Variants in ATAD2B observed in about 807,000 individuals in gnomAD.
ATAD2B encodes the protein ATPase family AAA domain containing 2B, also known as ATPase family AAA domain-containing protein 2B.
ATAD2B carries 40 observed loss-of-function variants against 167.6 expected under a neutral mutation model. That is an observed-to-expected ratio of 0.24 (90% CI 0.19 to 0.31). The LOEUF is 0.31. Among genes scored for constraint, ATAD2B ranks in the 10% least tolerant of loss-of-function variants. The pLI is 1.00. For synonymous variants in ATAD2B, 579 were observed against 596.5 expected, an observed-to-expected ratio of 0.97 and a Z score of 0.43; for missense variants, 1,242 against 1,757.2, an observed-to-expected ratio of 0.71 and a Z score of 5.24.
chr2:23,771,006 C>T (rs936264094), intron 22 of ATAD2B, among the ~76,000 whole-genome samples: 2 of 152,128 alleles, frequency 1.3e-5, no homozygotes, highest in Admixed American at 1.3e-4. Flanking sequence ...TTCTTTATCT[C>T]ACTAATATTT....
intron 19 of ATAD2B, among the ~76,000 whole-genome samples, chr2:23,796,340 T>TACTAGTCAGTAACC (rs1174029140): frequency 6.6e-6 from 1 of 152,218 alleles, no homozygotes; most frequent in Non-Finnish European, 1.5e-5. Context: ...TGAAAAAGGT[T>TACTAGTCAGTAACC]ACTAGTCAGT....
intron 1 of ATAD2B, among the ~76,000 whole-genome samples, chr2:23,912,598 A>G (rs2150560217): frequency 6.6e-6 from 1 of 152,354 alleles, no homozygotes; most frequent in Admixed American, 6.5e-5. Flanking sequence ...GAAAGCAAAA[A>G]GGAAATTAAA....
Position 23,869,746 on chromosome 2 carries a change from G to A in ATAD2B, c.993C>T (p.Ala331=). 1 of 1,561,646 alleles carries A rather than the reference G, an allele frequency of 6.4e-7. No individual in the cohort carries two copies. The highest frequency in any genetic ancestry group is 8.7e-7 in the Non-Finnish European group (1 of 1,150,972). Residue 331 remains alanine, a synonymous_variant, in exon 9 of 28, where the codon GCC becomes GCT. Transcript: ENST00000238789. ...AAGAAGTTGTGTCACTACTATGAAT[G>A]GCATGCTTCTTTCTCCTATTTAAAG... The part of the protein sequence containing the change: ...RRSHIRRKKH[A]IHSSDTTSSD...
chr2:23,775,462 T>C (rs181823078), intron 22 of ATAD2B, among the ~76,000 whole-genome samples: 2 of 152,162 alleles, frequency 1.3e-5, no homozygotes, highest in African/African-American at 2.4e-5. Flanking sequence ...TCCGCCCGCC[T>C]TGGCCTCTCA....
the ATAD2B span, among the ~76,000 whole-genome samples, chr2:23,741,087 T>C: frequency 1.3e-5 from 2 of 152,048 alleles, no homozygotes; most frequent in Non-Finnish European, 2.9e-5. Context: ...TCCATGCTCA[T>C]GGGTAGGAAG....
At chr2:23,753,372 C>T (rs1321092443) in intron 27 of ATAD2B, among the ~76,000 whole-genome samples, 1 of 152,130 alleles carries the variant, frequency 6.6e-6, no homozygotes, top group African/African-American at 2.4e-5. Flanking sequence ...ACACCCAGCA[C>T]AGCATCTGGC....
chr2:23,756,426 C>A (rs1675958491), intron 25 of ATAD2B, among the ~76,000 whole-genome samples: 2 of 152,024 alleles, frequency 1.3e-5, no homozygotes, highest in Admixed American at 6.6e-5. Flanking sequence ...AGCCCAAATC[C>A]CAGGCTGAAG....
At chr2:23,814,195 C>T (rs1022770996) in intron 17 of ATAD2B, among the ~76,000 whole-genome samples, 1 of 152,124 alleles carries the variant, frequency 6.6e-6, no homozygotes, top group Non-Finnish European at 1.5e-5. Flanking sequence ...TTTTCAAAAA[C>T]CTCCATGGGC....
chr2:23,852,423 T>G (rs1331277511), intron 13 of ATAD2B, among the ~76,000 whole-genome samples: 1 of 152,036 alleles, frequency 6.6e-6, no homozygotes, highest in African/African-American at 2.4e-5. Context: ...TCACACCCAG[T>G]GTATATCTCA....
Position 23,762,306 on chromosome 2 carries a change from A to G in ATAD2B, c.3297T>C (p.Thr1099=), listed in dbSNP as rs1318916840. The change falls in exon 24 of 28, where the codon ACT becomes ACC. Residue 1099 remains threonine, a synonymous_variant. Coordinates refer to ENST00000238789, the MANE Select transcript of ATAD2B (RefSeq NM_017552.4). ...CTCTAGTTTCTGTCTTCCGAGCTCC[A>G]GTACTATGAGGATTTATTTGTTCTG... ...VTSEQINPHS[T]GARKTETRVE... 5 of 1,613,472 alleles carry G rather than the reference A, an allele frequency of 3.1e-6. No homozygotes were observed. The highest frequency in any genetic ancestry group is 4.2e-6 in the Non-Finnish European group (5 of 1,179,740).
At chr2:23,910,512 A>T (rs1702134815) in intron 1 of ATAD2B, among the ~76,000 whole-genome samples, 1 of 151,646 alleles carries the variant, frequency 6.6e-6, no homozygotes, top group South Asian at 2.1e-4. Context: ...CTGGTCACTC[A>T]ATTGCAGCAA....
intron 1 of ATAD2B, among the ~76,000 whole-genome samples, chr2:23,925,203 A>G (rs1336849166): frequency 6.6e-6 from 1 of 152,226 alleles, no homozygotes; most frequent in Admixed American, 6.5e-5. Flanking sequence ...CAGTTTGCAC[A>G]ACTTTCAGAT....
chr2:23,881,745 T>G (rs953565283), intron 6 of ATAD2B, among the ~76,000 whole-genome samples: 2 of 152,064 alleles, frequency 1.3e-5, no homozygotes, highest in African/African-American at 4.8e-5. Flanking sequence ...TTTTTTGAGA[T>G]GGAGTTTTGC....
intron 13 of ATAD2B, chr2:23,855,967 T>C (rs1693328519): frequency 6.6e-6 from 1 of 151,924 alleles, no homozygotes; most frequent in Admixed American, 6.6e-5. Context: ...GGCGGGTGGA[T>C]CACAATGTCA....
intron 2 of ATAD2B, among the ~76,000 whole-genome samples, chr2:23,889,411 G>A (rs367770857): frequency 6.6e-6 from 1 of 151,786 alleles, no homozygotes; most frequent in African/African-American, 2.4e-5. Context: ...CAGGTGATCT[G>A]CCCACCTCGG....
At chr2:23,685,691 A>G in the ATAD2B span, among the ~76,000 whole-genome samples, 1 of 152,106 alleles carries the variant, frequency 6.6e-6, no homozygotes, top group Non-Finnish European at 1.5e-5. Flanking sequence ...TGGACACCTC[A>G]GGTCTCCTGC....
chr2:23,788,684 T>G (rs752209028), intron 19 of ATAD2B, 37 bp from the exon 20 acceptor site: 2 of 1,472,700 alleles, frequency 1.4e-6, no homozygotes, highest in South Asian at 2.5e-5. Flanking sequence ...ATTAAATATA[T>G]AAAGAATTAA....
Position 23,864,924 on chromosome 2 carries a change from C to A in ATAD2B, c.1189G>T (p.Val397Leu). The A allele has an allele frequency of 6.5e-7, 1 of 1,545,546 alleles. No individual in the cohort carries two copies. The highest frequency in any genetic ancestry group is 8.7e-7 in the Non-Finnish European group (1 of 1,151,560). Residue 397 changes from valine to leucine, a missense_variant and splice_region_variant, in exon 11 of 28, where the codon GTA (valine) becomes TTA (leucine). Val to Leu is a conservative substitution (Grantham distance 32, BLOSUM62 1). This residue lies in a region of ATAD2B where 127 missense variants were observed against 146.3 expected (regional missense o/e 0.87). Coordinates refer to ENST00000238789, the MANE Select transcript of ATAD2B (RefSeq NM_017552.4). The part of the protein sequence containing the change: ...DVDPMNIDKS[V>L]RFDSIGGLSH... ...AATCCACCTATGCTATCAAACCGTA[C>A]CTTGGAAAGAAGGGGAAAAATTTGA... is the stretch of plus-strand genomic sequence containing the variant.
In ATAD2B at chr2:23,864,022, C is replaced by CTT. The variant is rs35664691; in HGVS notation, c.1305-469_1305-468dup. ...CCTATATGTGTATCTTCTGAATATT[C>CTT]TTTTTTTTTTTTTCTGAGACGGAAT... On this transcript the variant is annotated intron_variant, in intron 11 of 27. Transcript: ENST00000238789. Among the ~76,000 whole-genome samples the CTT allele has an allele frequency of 4.8e-3, 684 of 143,724 alleles. 4 individuals are homozygous for CTT. The highest frequency in any genetic ancestry group is 0.015 in the African/African-American group (588 of 38,774). 94.3% of individuals were successfully genotyped at this position (143,724 alleles called of 152,430 possible). A position where few individuals can be genotyped will look rare whatever the true frequency, so the allele number is the denominator to read the frequency against.
Sources: gnomAD v4.1 joint callset for allele counts (sites outside exome capture counted in the v4.1 genomes callset) on GRCh38, gnomAD v4.1.1 for gene constraint, gnomAD v4.1.1 regional missense constraint, MANE v1.5 for transcripts, NCBI Gene and HGNC (gene_info 2026-07-23, HGNC 2026-07-21) for gene names.